CCDC7: variants seen among roughly 807,000 people sequenced by gnomAD.
CCDC7 encodes the protein coiled-coil domain containing 7.
CCDC7 carries 183 observed loss-of-function variants against 196.9 expected under a neutral mutation model. The ratio of observed to expected loss-of-function variants is 0.93; its 90% CI spans 0.82 to 1.05. CCDC7 has a LOEUF of 1.05. Ranked by LOEUF, CCDC7 falls within the 50% of genes least tolerant of loss-of-function variation. CCDC7 has a pLI of 0.00. For missense variants in CCDC7, 1,540 were observed against 1,482.2 expected, an observed-to-expected ratio of 1.04 and a Z score of -0.64; for synonymous variants, 525 against 484.6, an observed-to-expected ratio of 1.08 and a Z score of -1.10.
intron 15 of CCDC7, 42 bp downstream of exon 16, chr10:32,567,933 A>T: frequency 6.5e-7 from 1 of 1,532,334 alleles, no homozygotes; most frequent in Non-Finnish European, 8.8e-7. Flanking sequence ...ATATGTTGTG[A>T]GAAATTTGTC....
At chr10:32,778,038 GTTAT>G (rs952777316) in intron 28 of CCDC7, among the ~76,000 whole-genome samples, 4 of 152,138 alleles carry the variant, frequency 2.6e-5, no homozygotes, top group Admixed American at 2.6e-4. Flanking sequence ...TTATAATGGA[GTTAT>G]TTGTTTTTTG....
At chr10:32,758,467 C>T (rs528116658) in intron 28 of CCDC7, among the ~76,000 whole-genome samples, 30 of 152,236 alleles carry the variant, frequency 2.0e-4, no homozygotes, top group African/African-American at 5.5e-4. Context: ...ATAAAGTAAT[C>T]CATCATATAA....
chr10:32,804,459 C>T (rs1460888213), intron 29 of CCDC7, among the ~76,000 whole-genome samples: 1 of 152,096 alleles, frequency 6.6e-6, no homozygotes, highest in South Asian at 2.1e-4. Flanking sequence ...TATTTTCCAT[C>T]GCTGGTGCTT....
rs922353879 is a variant in CCDC7 at position 32,768,058 on chromosome 10, TACAG to T, written c.2906-10917_2906-10914del. Among the ~76,000 whole-genome samples, 85 of 151,936 alleles carry T rather than the reference TACAG, an allele frequency of 5.6e-4. No homozygotes were observed. The Middle Eastern group carries it at 0.014, about 24-fold the overall frequency. On this transcript the variant is annotated intron_variant, in intron 28 of 41. Transcript: ENST00000639629. ...TGACTCAAAGACAGGCTTTTGAAAA[TACAG>T]AGAAGAAAAAAATGGAAAAGAATGC... is the stretch of plus-strand genomic sequence containing the variant.
intron 7 of CCDC7, 91 bp downstream of exon 8, chr10:32,472,633 C>CAGAGTGAG: frequency 8.3e-7 from 1 of 1,205,382 alleles, no homozygotes; most frequent in Non-Finnish European, 1.1e-6. Flanking sequence ...CTCACTCTGT[C>CAGAGTGAG]ACCCATGCTG....
chr10:32,562,663 G>A (rs201321613), intron 13 of CCDC7, among the ~76,000 whole-genome samples: 13,533 of 152,022 alleles, frequency 0.089, 864 homozygotes, highest in East Asian at 0.33. Flanking sequence ...AATAATAAGA[G>A]CTATCTATGA....
At chr10:32,754,987 AG>A (rs1488256538) in intron 28 of CCDC7, among the ~76,000 whole-genome samples, 1 of 152,166 alleles carries the variant, frequency 6.6e-6, no homozygotes, top group Non-Finnish European at 1.5e-5. Context: ...GCTGGCTTGG[AG>A]GGTCCCACAC....
chr10:32,627,902 G>A (rs1032257725), intron 18 of CCDC7, among the ~76,000 whole-genome samples: 2 of 151,848 alleles, frequency 1.3e-5, no homozygotes, highest in Non-Finnish European at 2.9e-5. Flanking sequence ...ATGTGTTGTT[G>A]AATTTGGTTT....
chr10:32,511,272 G>GT lies in CCDC7; in HGVS notation c.873-6673_873-6672insT, dbSNP rs1554813165. 4.2e-5 allele frequency: 32 copies of GT among 770,704 alleles called. No homozygotes were observed. The East Asian group carries it at 6.4e-4, about 15-fold the overall frequency. 47.7% of individuals were successfully genotyped at this position (770,704 alleles called of 1,614,324 possible). ...TATTCTGTGGGGGGCGGGGGGGGCG[G>GT]GGAAATGTACTTTTTGAATATGTGT... On this transcript the variant is annotated intron_variant, in intron 9 of 41. Transcript: ENST00000639629.
chr10:32,584,315 TC>T lies in CCDC7; in HGVS notation c.1801+12del, dbSNP rs2059022294. The T allele has an allele frequency of 6.4e-7, 1 of 1,561,268 alleles. No individual in the cohort carries two copies. The highest frequency in any genetic ancestry group is 8.8e-7 in the Non-Finnish European group (1 of 1,137,446). ...CAGAAAAATCTCAAGGTAAAAAGAC[TC>T]TGTTTTGGAAGATGAAAATGTGATT... On this transcript the variant is annotated intron_variant, in intron 18 of 41. Coordinates refer to ENST00000639629, the Ensembl canonical transcript of CCDC7.
At chr10:32,876,456 T>C (rs1455441383), downstream of CCDC7, 9 of 1,473,190 alleles carry the variant, frequency 6.1e-6, no homozygotes, top group Non-Finnish European at 7.6e-6. Flanking sequence ...GGAAAGGAAA[T>C]TGCAAGTATA....
At chr10:32,855,902 T>C (rs1365897600) in intron 41 of CCDC7, among the ~76,000 whole-genome samples, 4 of 152,184 alleles carry the variant, frequency 2.6e-5, no homozygotes, top group Non-Finnish European at 5.9e-5. Flanking sequence ...TGGAATAGGA[T>C]AGAGAGCTGA....
At chr10:32,831,508 T>C (rs923475746) in intron 32 of CCDC7, among the ~76,000 whole-genome samples, 6 of 152,222 alleles carry the variant, frequency 3.9e-5, no homozygotes, top group Non-Finnish European at 7.3e-5. Context: ...TATAATAACA[T>C]TTAACTTAAA....
At chr10:32,557,318 T>G (rs1162611943) in intron 13 of CCDC7, among the ~76,000 whole-genome samples, 1 of 152,052 alleles carries the variant, frequency 6.6e-6, no homozygotes, top group Admixed American at 6.6e-5. Context: ...TGGCTTTGTT[T>G]TACGTGAGCA....
chr10:32,590,302 C>T (rs909985531), intron 18 of CCDC7, among the ~76,000 whole-genome samples: 7 of 150,222 alleles, frequency 4.7e-5, no homozygotes, highest in Admixed American at 2.7e-4. Context: ...CTGATGATAA[C>T]TTAACACTGA....
intron 33 of CCDC7, among the ~76,000 whole-genome samples, chr10:32,842,886 G>A (rs1299808129): frequency 6.6e-6 from 1 of 151,956 alleles, no homozygotes; most frequent in Non-Finnish European, 1.5e-5. Context: ...TGGGAGCTAA[G>A]CTATGAGGAT....
intron 20 of CCDC7, among the ~76,000 whole-genome samples, chr10:32,649,490 A>G (rs1394017891): frequency 6.6e-6 from 1 of 152,184 alleles, no homozygotes; most frequent in Non-Finnish European, 1.5e-5. Flanking sequence ...CTGATGATTA[A>G]TTGCCATAGG....
intron 18 of CCDC7, among the ~76,000 whole-genome samples, chr10:32,602,553 C>T (rs1481031949): frequency 6.6e-6 from 1 of 152,076 alleles, no homozygotes; most frequent in Admixed American, 6.6e-5. Flanking sequence ...TAATTGGATT[C>T]TATTTTGATA....
intron 18 of CCDC7, among the ~76,000 whole-genome samples, chr10:32,603,666 T>C (rs2061304926): frequency 6.6e-6 from 1 of 151,938 alleles, no homozygotes; most frequent in Non-Finnish European, 1.5e-5. Flanking sequence ...AATAAAATGA[T>C]ATCTCATTCT....
Sources: gnomAD v4.1 joint callset for allele counts (sites outside exome capture counted in the v4.1 genomes callset) on GRCh38, gnomAD v4.1.1 for gene constraint, MANE v1.5 for transcripts, NCBI Gene and HGNC (gene_info 2026-07-23, HGNC 2026-07-21) for gene names.